The following NFKB1 variants were observed in gnomAD, a reference collection of about 807,000 sequenced individuals.
NFKB1 encodes the protein nuclear factor NF-kappa-B p105 subunit.
Under a neutral mutation model 105.1 loss-of-function variants are expected in NFKB1, and 9 were observed. The ratio of observed to expected loss-of-function variants is 0.09; its 90% confidence interval spans 0.05 to 0.15. The LOEUF (loss-of-function observed/expected upper bound fraction) is 0.15. Among genes scored for constraint, NFKB1 ranks in the 10% least tolerant of loss-of-function variants. The pLI, the probability that NFKB1 is intolerant of heterozygous loss-of-function variation, is 1.00. For synonymous variants in NFKB1, 440 were observed against 442.2 expected (o/e 1.00, Z 0.06); for missense variants, 830 against 1,203.7 (o/e 0.69, Z 4.59).
chr4:102,569,767 CT>C (rs1724172410), intron 6 of NFKB1, among the ~76,000 whole-genome samples: 1 of 152,066 alleles, frequency 6.6e-6, no homozygotes, highest in Non-Finnish European at 1.5e-5. Flanking sequence ...TTAGTTTCTA[CT>C]TTCAAAAGGA....
intron 5 of NFKB1, among the ~76,000 whole-genome samples, chr4:102,554,087 G>A (rs1722811366): frequency 6.6e-6 from 1 of 152,016 alleles, no homozygotes; most frequent in Admixed American, 6.6e-5. Flanking sequence ...CATATGACTA[G>A]GAATCATAGA....
intron 5 of NFKB1, among the ~76,000 whole-genome samples, chr4:102,541,945 T>C (rs1742023618): frequency 6.6e-6 from 1 of 152,092 alleles, no homozygotes; most frequent in South Asian, 2.1e-4. Context: ...GATAGTTCAG[T>C]GCATACTCGG....
At chr4:102,515,114 T>TTTA (rs1740065552) in intron 1 of NFKB1, among the ~76,000 whole-genome samples, 5 of 130,948 alleles carry the variant, frequency 3.8e-5, no homozygotes, top group African/African-American at 1.1e-4. Context: ...ATTATTTTTT[T>TTTA]TTTTTTTTTT....
At chr4:102,549,445 A>G (rs1286009854) in intron 5 of NFKB1, among the ~76,000 whole-genome samples, 1 of 148,920 alleles carries the variant, frequency 6.7e-6, no homozygotes, top group Non-Finnish European at 1.5e-5. Flanking sequence ...TTTTATATAC[A>G]TATAATATAT....
At chr4:102,575,065 C>T (rs1724704299) in intron 6 of NFKB1, among the ~76,000 whole-genome samples, 1 of 152,226 alleles carries the variant, frequency 6.6e-6, no homozygotes, top group African/African-American at 2.4e-5. Flanking sequence ...TTCTGAAAAA[C>T]TGCCTATGCT....
intron 4 of NFKB1, among the ~76,000 whole-genome samples, chr4:102,535,896 T>G (rs1047016268): frequency 1.4e-5 from 2 of 143,570 alleles, no homozygotes; most frequent in East Asian, 3.9e-4. Context: ...GGGTTTTTTT[T>G]GTTTTTTTTT....
chr4:102,532,850 T>A (rs960302211), intron 3 of NFKB1, among the ~76,000 whole-genome samples: 12 of 152,180 alleles, frequency 7.9e-5, no homozygotes, highest in African/African-American at 2.4e-4. Flanking sequence ...AACCACCATA[T>A]GCCTTTATTT....
rs1050671595 is a variant in NFKB1 at position 102,577,792 on chromosome 4, C to T, written c.571+753C>T. On this transcript the variant is annotated intron_variant, in intron 7 of 23. Coordinates refer to ENST00000226574, the MANE Select transcript of NFKB1 (RefSeq NM_003998.4). ...CTGCGAGGCTGTGGTCCAGCCATTCCGTGCTCTCTGGCATTCCACACTACA... is the reference window on the plus strand; with the variant it reads ...CTGCGAGGCTGTGGTCCAGCCATTCTGTGCTCTCTGGCATTCCACACTACA... 15 of 985,060 alleles carry T rather than the reference C, an allele frequency of 1.5e-5. No individual in the cohort carries two copies. The Admixed American group carries it at 4.9e-4, about 32-fold the overall frequency. 61.0% of individuals were successfully genotyped at this position (985,060 alleles called of 1,614,324 possible).
At chr4:102,596,444 A>C in intron 14 of NFKB1, 112 bp downstream of exon 14, 2 of 848,054 alleles carry the variant, frequency 2.4e-6, no homozygotes, top group South Asian at 3.5e-5. Context: ...AGTTTAGTGT[A>C]CTCTTCAAAG....
At chr4:102,533,641 C>T (rs530935512) in intron 3 of NFKB1, among the ~76,000 whole-genome samples, 314 of 152,198 alleles carry the variant, frequency 2.1e-3, no homozygotes, top group Non-Finnish European at 2.8e-3. Context: ...TCGCTAAACT[C>T]GTAAAACTAT....
At chr4:102,513,059 G>A (rs1212187182) in intron 1 of NFKB1, among the ~76,000 whole-genome samples, 1 of 152,158 alleles carries the variant, frequency 6.6e-6, no homozygotes, top group Non-Finnish European at 1.5e-5. Context: ...GGTACTCAAG[G>A]CAGAGGCTAT....
At chr4:102,594,755 A>G (rs1726467021) in intron 12 of NFKB1, 137 bp from the exon 13 acceptor site, 1 of 559,576 alleles carries the variant, frequency 1.8e-6, no homozygotes. Flanking sequence ...CTTAGTCCCA[A>G]CAGAAAAACC....
rs1210161924 is a variant in NFKB1, at chr4:102,520,060, G to A, written c.-7-5452G>A. On this transcript the variant is annotated intron_variant, in intron 1 of 23. Coordinates refer to ENST00000226574, the MANE Select transcript of NFKB1 (RefSeq NM_003998.4). ...GGCCATTCTGTGCAGTATAGGATGT[G>A]TAGCAGCATCTGTAGCCTCTATACA... 2.0e-5 allele frequency among the ~76,000 whole-genome samples: 3 copies of A among 152,164 alleles called. No individual in the cohort carries two copies. In the East Asian group the frequency reaches 5.8e-4, roughly 29 times the overall value.
At chr4:102,594,369 C>A (rs1560704585) in intron 12 of NFKB1, among the ~76,000 whole-genome samples, 1 of 152,148 alleles carries the variant, frequency 6.6e-6, no homozygotes, top group East Asian at 1.9e-4. Flanking sequence ...AAATTAGAGT[C>A]TTTGTAGTAA....
intron 18 of NFKB1, 141 bp from the exon 19 acceptor site, chr4:102,607,508 G>T: frequency 9.0e-7 from 1 of 1,116,512 alleles, no homozygotes; most frequent in East Asian, 2.4e-5. Flanking sequence ...TCTCTAACTG[G>T]GGATTTCTTC....
At chr4:102,585,843 T>G (rs557028808) in intron 11 of NFKB1, among the ~76,000 whole-genome samples, 15 of 152,202 alleles carry the variant, frequency 9.9e-5, no homozygotes, top group Admixed American at 9.2e-4. Flanking sequence ...TTCTCTAGGT[T>G]TAAGTTACTT....
rs373316062 is a variant in NFKB1 at position 102,616,505 on chromosome 4, G to C, written c.2821G>C (p.Glu941Gln). The C allele has an allele frequency of 6.2e-7, 1 of 1,614,110 alleles. No homozygotes were observed. Among genetic ancestry groups the C allele is most frequent in the Admixed American group, 1.7e-5 (1 of 60,006 alleles). The change falls in exon 24 of 24, where the codon GAG (glutamate) becomes CAG (glutamine). Residue 941 changes from glutamate (E) to glutamine (Q), a missense_variant. Around this residue, in one of 8 missense-constraint regions of NFKB1, gnomAD observed 418 missense variants for 575.3 expected, o/e 0.73. Transcript: ENST00000226574. ...ETSFRKLSFT[E>Q]SLTSGASLLT... Reference sequence around the variant, plus strand: ...ATCCTTCCGCAAACTCAGCTTTACCGAGTCTCTGACCAGTGGTGCCTCACT... The same window carrying C: ...ATCCTTCCGCAAACTCAGCTTTACCCAGTCTCTGACCAGTGGTGCCTCACT...
At chr4:102,506,794 G>T (rs1056777712) in intron 1 of NFKB1, among the ~76,000 whole-genome samples, 8 of 151,932 alleles carry the variant, frequency 5.3e-5, no homozygotes, top group Non-Finnish European at 1.2e-4. Flanking sequence ...CTGCCACTTA[G>T]TTCTGGTTCT....
chr4:102,538,067 G>A lies in NFKB1; in HGVS notation c.258+111G>A, dbSNP rs1468931070. 4 of 554,480 alleles carry A rather than the reference G, an allele frequency of 7.2e-6. No individual in the cohort carries two copies. The African/African-American group carries it at 7.7e-5, about 11-fold the overall frequency. The allele number at this position is 554,480 out of a possible 1,614,324, so 34.3% of individuals were successfully genotyped here. A position where few individuals can be genotyped will look rare whatever the true frequency, so the allele number is the denominator to read the frequency against. ...GGGTTGCCTTCGCTCCTAAGCTGAA[G>A]TGTTCACATGATTATTAAAATTTTT... On this transcript the variant is annotated intron_variant, in intron 5 of 23. Coordinates refer to ENST00000226574, the MANE Select transcript of NFKB1 (RefSeq NM_003998.4).
Sources: gnomAD v4.1 joint callset for allele counts (sites outside exome capture counted in the v4.1 genomes callset) on GRCh38, gnomAD v4.1.1 for gene constraint, gnomAD v4.1.1 regional missense constraint, MANE v1.5 for transcripts, NCBI Gene and HGNC (gene_info 2026-07-23, HGNC 2026-07-21) for gene names.